MYO3B: variants seen among roughly 807,000 people sequenced by gnomAD.
MYO3B encodes the protein myosin-IIIb.
A neutral mutation model predicts 174.6 loss-of-function variants in MYO3B; 156 were observed. The observed-to-expected ratio is 0.89, with a 90% CI of 0.78 to 1.02. The LOEUF (loss-of-function observed/expected upper bound fraction) is 1.02. Among genes scored for constraint, MYO3B ranks in the 50% least tolerant of loss-of-function variants. MYO3B has a pLI of 0.00. For synonymous variants in MYO3B, 563 were observed against 569.1 expected, an observed-to-expected ratio of 0.99 and a Z score of 0.15; for missense variants, 1,632 against 1,639.4, an observed-to-expected ratio of 1.00 and a Z score of 0.08.
At chr2:170,576,479 G>A (rs905751451) in intron 32 of MYO3B, among the ~76,000 whole-genome samples, 15 of 152,162 alleles carry the variant, frequency 9.9e-5, no homozygotes, top group Admixed American at 3.9e-4. Context: ...CTTCTCCCTC[G>A]TGCCTTGTAG....
intron 32 of MYO3B, among the ~76,000 whole-genome samples, chr2:170,613,934 T>G (rs1021145135): frequency 5.3e-5 from 8 of 152,222 alleles, no homozygotes; most frequent in African/African-American, 1.9e-4. Flanking sequence ...ATCATGTAAG[T>G]TAATACTTAA....
intron 31 of MYO3B, among the ~76,000 whole-genome samples, chr2:170,543,290 G>A (rs1327761693): frequency 2.6e-5 from 4 of 152,140 alleles, no homozygotes; most frequent in Non-Finnish European, 5.9e-5. Flanking sequence ...AGGACCCGAG[G>A]TTCTTTGGTA....
chr2:170,244,264 A>G (rs1212138527), intron 7 of MYO3B, among the ~76,000 whole-genome samples: 1 of 152,162 alleles, frequency 6.6e-6, no homozygotes, highest in Non-Finnish European at 1.5e-5. Context: ...AGATAAAGGG[A>G]CAATAGCAAG....
chr2:170,628,580 G>C (rs1356018246), intron 32 of MYO3B, among the ~76,000 whole-genome samples: 1 of 152,152 alleles, frequency 6.6e-6, no homozygotes, highest in East Asian at 1.9e-4. Flanking sequence ...GATGAACCCG[G>C]TACCTCAGTT....
intron 23 of MYO3B, among the ~76,000 whole-genome samples, chr2:170,445,522 G>C (rs560032195): frequency 3.3e-5 from 5 of 151,984 alleles, no homozygotes; most frequent in Admixed American, 6.6e-5. Context: ...TGTATTTTTA[G>C]TAGAGACGGG....
At chr2:170,248,076 A>G (rs1029070534) in intron 7 of MYO3B, among the ~76,000 whole-genome samples, 1 of 151,522 alleles carries the variant, frequency 6.6e-6, no homozygotes, top group African/African-American at 2.4e-5. Flanking sequence ...TTTCTGTGCC[A>G]CCTGTTGTTT....
intron 32 of MYO3B, among the ~76,000 whole-genome samples, chr2:170,628,434 G>A (rs984344442): frequency 2.0e-5 from 3 of 152,224 alleles, no homozygotes; most frequent in Non-Finnish European, 2.9e-5. Flanking sequence ...GATTTTCCAG[G>A]TGCCATCTGT....
chr2:170,369,932 T>C (rs1275004275), intron 9 of MYO3B, among the ~76,000 whole-genome samples: 4 of 152,216 alleles, frequency 2.6e-5, no homozygotes, highest in African/African-American at 9.6e-5. Context: ...TTTCAGGTAT[T>C]TCTTATGCTA....
chr2:170,396,156 G>C (rs150056155), intron 16 of MYO3B, among the ~76,000 whole-genome samples: 1 of 152,258 alleles, frequency 6.6e-6, no homozygotes, highest in Non-Finnish European at 1.5e-5. Flanking sequence ...GCTGAAAACT[G>C]GTAGAAATAA....
At chr2:170,271,018 A>G (rs940560298) in intron 7 of MYO3B, among the ~76,000 whole-genome samples, 4 of 152,150 alleles carry the variant, frequency 2.6e-5, no homozygotes, top group Non-Finnish European at 5.9e-5. Flanking sequence ...TAATTCTCAG[A>G]CCTTGAAAGG....
intron 28 of MYO3B, among the ~76,000 whole-genome samples, chr2:170,512,392 C>T (rs1170423092): frequency 6.6e-6 from 1 of 152,220 alleles, no homozygotes; most frequent in Non-Finnish European, 1.5e-5. Flanking sequence ...CCAGAAACCA[C>T]ACTGGCTCCT....
Position 170,466,572 on chromosome 2 carries a change from C to T in MYO3B, c.2875C>T (p.Pro959Ser), listed in dbSNP as rs779955808. Reference protein sequence around the residue: ...GQPHFVRCIKPNDDREALQFS... With the variant: ...GQPHFVRCIKSNDDREALQFS... Reference sequence around the variant, plus strand: ...GCCCCACTTTGTGCGCTGCATTAAACCCAATGATGACCGAGAGGCCCTGCA... The same window carrying T: ...GCCCCACTTTGTGCGCTGCATTAAATCCAATGATGACCGAGAGGCCCTGCA... The change falls in exon 25 of 35, where the codon CCC (proline) becomes TCC (serine). Residue 959 changes from proline to serine, a missense_variant. By Grantham distance (74) the Pro-to-Ser change is moderately conservative. Transcript: ENST00000408978. 42 of 1,614,082 alleles carry T rather than the reference C, an allele frequency of 2.6e-5. No individual in the cohort carries two copies. Among genetic ancestry groups the T allele is most frequent in the Admixed American group, 6.7e-5 (4 of 60,004 alleles).
At chr2:170,256,868 C>G (rs1055782351) in intron 7 of MYO3B, among the ~76,000 whole-genome samples, 9 of 152,064 alleles carry the variant, frequency 5.9e-5, no homozygotes, top group African/African-American at 2.2e-4. Context: ...ACCTATCTCC[C>G]CTGTAATGGC....
chr2:170,204,534 T>G (rs757213658), intron 3 of MYO3B, among the ~76,000 whole-genome samples: 1 of 152,240 alleles, frequency 6.6e-6, no homozygotes, highest in Non-Finnish European at 1.5e-5. Context: ...GATGACTGTC[T>G]TAGCAAATGC....
chr2:170,310,087 A>G (rs568832135), intron 7 of MYO3B, among the ~76,000 whole-genome samples: 17 of 152,356 alleles, frequency 1.1e-4, no homozygotes, highest in African/African-American at 3.8e-4. Context: ...TGTAGCATGG[A>G]TCAGTACTTA....
intron 1 of MYO3B, 135 bp from the exon 2 acceptor site, chr2:170,199,073 T>C: frequency 3.3e-6 from 2 of 610,328 alleles, no homozygotes; most frequent in Non-Finnish European, 5.3e-6. Context: ...TTTCAAAAAA[T>C]TTATTTACAA....
At chr2:170,379,331 G>C (rs936142329) in intron 9 of MYO3B, among the ~76,000 whole-genome samples, 1 of 151,760 alleles carries the variant, frequency 6.6e-6, no homozygotes, top group Non-Finnish European at 1.5e-5. Flanking sequence ...AGTAGCTGGG[G>C]CTACAGGCGT....
At chr2:170,205,408 C>A (rs2092704028) in intron 3 of MYO3B, among the ~76,000 whole-genome samples, 2 of 152,124 alleles carry the variant, frequency 1.3e-5, no homozygotes, top group South Asian at 4.1e-4. Flanking sequence ...TTTAAAATTT[C>A]TCTCAGTAGA....
intron 32 of MYO3B, among the ~76,000 whole-genome samples, chr2:170,619,737 CTTTTTTTTTTTTTTTTT>C (rs71412032): frequency 2.0e-5 from 1 of 50,778 alleles, no homozygotes; most frequent in African/African-American, 8.3e-5. Context: ...CTGCCATATT[CTTTTTTTTTTTTTTTTT>C]TTTTTTTTTT....
Sources: gnomAD v4.1 joint callset for allele counts (sites outside exome capture counted in the v4.1 genomes callset) on GRCh38, gnomAD v4.1.1 for gene constraint, MANE v1.5 for transcripts, NCBI Gene and HGNC (gene_info 2026-07-23, HGNC 2026-07-21) for gene names.